Variants in CRPPA observed in about 807,000 individuals in gnomAD.
CRPPA encodes D-ribitol-5-phosphate cytidylyltransferase.
A neutral mutation model predicts 52.0 loss-of-function variants in CRPPA; 43 were observed. That is an observed-to-expected ratio of 0.83 (90% CI 0.65 to 1.07). CRPPA has a LOEUF of 1.07. Ranked by LOEUF, CRPPA falls within the 50% of genes least tolerant of loss-of-function variation. The pLI is 0.00. For missense variants in CRPPA, 629 were observed against 551.7 expected, an observed-to-expected ratio of 1.14 and a Z score of -1.40; for synonymous variants, 250 against 203.5, an observed-to-expected ratio of 1.23 and a Z score of -1.94.
Position 16,088,428 on chromosome 7 carries a change from T to TTG in CRPPA, c.*3266_*3267insCA. ...TGGATCTCTCTTTTTTTTTTTTTTTTTTTTTTTGAGACGGAGTCTTGCTCT... is the reference window on the plus strand; with the variant it reads ...TGGATCTCTCTTTTTTTTTTTTTTTTTGTTTTTTTGAGACGGAGTCTTGCTCT... On this transcript the variant is annotated 3_prime_UTR_variant, in exon 10 of 10. Transcript: ENST00000407010. The TTG allele has an allele frequency of 8.6e-6, 1 of 116,428 alleles. No individual in the cohort carries two copies. 7.2% of individuals were successfully genotyped at this position (116,428 alleles called of 1,614,324 possible).
At chr7:16,311,416 T>C (rs779976134) in intron 3 of CRPPA, among the ~76,000 whole-genome samples, 1 of 152,126 alleles carries the variant, frequency 6.6e-6, no homozygotes, top group Non-Finnish European at 1.5e-5. Flanking sequence ...CAGAAATAAA[T>C]AGCTGTAATC....
chr7:16,214,707 G>A (rs567649361), intron 9 of CRPPA, among the ~76,000 whole-genome samples: 4 of 152,156 alleles, frequency 2.6e-5, no homozygotes, highest in East Asian at 3.9e-4. Flanking sequence ...GGGTTTCACC[G>A]TGTTGGCCAG....
intron 3 of CRPPA, among the ~76,000 whole-genome samples, chr7:16,345,294 A>G (rs1785983185): frequency 6.6e-6 from 1 of 152,218 alleles, no homozygotes; most frequent in Non-Finnish European, 1.5e-5. Flanking sequence ...AGACATTCCC[A>G]GGTAAGCAAA....
chr7:16,327,647 A>T (rs1006002448), intron 3 of CRPPA, among the ~76,000 whole-genome samples: 7 of 151,010 alleles, frequency 4.6e-5, no homozygotes, highest in African/African-American at 1.2e-4. Context: ...CAAGACCACA[A>T]CTGTCAAGGA....
intron 3 of CRPPA, among the ~76,000 whole-genome samples, chr7:16,332,050 A>C (rs1240655222): frequency 6.6e-6 from 1 of 152,206 alleles, no homozygotes. Flanking sequence ...CTCAAACTAC[A>C]GAAAATCAGA....
intron 9 of CRPPA, among the ~76,000 whole-genome samples, chr7:16,157,881 T>A (rs1034478215): frequency 1.2e-4 from 18 of 151,906 alleles, no homozygotes; most frequent in Non-Finnish European, 2.2e-4. Flanking sequence ...TCTTTTTTTT[T>A]TTATTTTTTT....
intron 9 of CRPPA, among the ~76,000 whole-genome samples, chr7:16,154,246 A>G (rs2128379742): frequency 6.6e-6 from 1 of 152,176 alleles, no homozygotes; most frequent in South Asian, 2.1e-4. Context: ...TTCTTAAAAA[A>G]TGGGACACAT....
chr7:16,307,597 T>C (rs1227565775), intron 4 of CRPPA, among the ~76,000 whole-genome samples: 1 of 147,652 alleles, frequency 6.8e-6, no homozygotes, highest in East Asian at 2.0e-4. Context: ...GGAGAATTGC[T>C]TGAAATTTGG....
chr7:16,387,036 A>C (rs1198980981), intron 2 of CRPPA, among the ~76,000 whole-genome samples: 3 of 84,748 alleles, frequency 3.5e-5, no homozygotes, highest in African/African-American at 8.8e-5. Context: ...AATTTAAAAT[A>C]AAAAAAAGAT....
At chr7:16,204,657 C>A (rs1445226366) in intron 9 of CRPPA, among the ~76,000 whole-genome samples, 3 of 152,152 alleles carry the variant, frequency 2.0e-5, no homozygotes, top group Non-Finnish European at 4.4e-5. Context: ...GGCACAGAGT[C>A]AGCAATCATT....
intron 2 of CRPPA, among the ~76,000 whole-genome samples, chr7:16,377,462 C>A (rs1786924114): frequency 6.6e-6 from 1 of 152,072 alleles, no homozygotes; most frequent in South Asian, 2.1e-4. Context: ...TATATCAGGG[C>A]ATGAAGTTAA....
chr7:16,170,931 C>A (rs1242254832), intron 9 of CRPPA, among the ~76,000 whole-genome samples: 1 of 152,242 alleles, frequency 6.6e-6, no homozygotes, highest in Non-Finnish European at 1.5e-5. Context: ...CCGCTTAGCC[C>A]CGGTTCCTGC....
At chr7:16,361,328 T>C (rs915533122) in intron 3 of CRPPA, among the ~76,000 whole-genome samples, 1 of 152,296 alleles carries the variant, frequency 6.6e-6, no homozygotes, top group South Asian at 2.1e-4. Context: ...CAAAGCAGGA[T>C]TGTCATACTT....
At chr7:16,247,814 T>A (rs1331238962) in intron 8 of CRPPA, 1 of 152,172 alleles carries the variant, frequency 6.6e-6, no homozygotes, top group African/African-American at 2.4e-5. Context: ...GCATACAGAC[T>A]TTTAATTCTA....
At chr7:16,254,795 A>AGG (rs1342963888) in intron 8 of CRPPA, among the ~76,000 whole-genome samples, 22 of 55,816 alleles carry the variant, frequency 3.9e-4, no homozygotes, top group African/African-American at 1.1e-3. Flanking sequence ...GAAAGAAGGA[A>AGG]AGAAAGAAAG....
At chr7:16,317,732 T>A (rs1333739045) in intron 3 of CRPPA, among the ~76,000 whole-genome samples, 13 of 152,162 alleles carry the variant, frequency 8.5e-5, no homozygotes, top group Admixed American at 8.5e-4. Flanking sequence ...GGGAGTGAGG[T>A]GCTTATTTCA....
At chr7:16,290,978 G>A (rs1784552524) in intron 5 of CRPPA, among the ~76,000 whole-genome samples, 1 of 151,838 alleles carries the variant, frequency 6.6e-6, no homozygotes, top group African/African-American at 2.4e-5. Context: ...ACACGAATAG[G>A]CATTTCTTAC....
intron 9 of CRPPA, among the ~76,000 whole-genome samples, chr7:16,153,629 G>A (rs1205388754): frequency 1.3e-5 from 2 of 152,052 alleles, no homozygotes; most frequent in East Asian, 3.9e-4. Flanking sequence ...CACATGAAGT[G>A]ACCTAATTTT....
At chr7:16,133,952 G>T (rs1202219019) in intron 9 of CRPPA, among the ~76,000 whole-genome samples, 2 of 122,438 alleles carry the variant, frequency 1.6e-5, no homozygotes, top group South Asian at 4.1e-4. Flanking sequence ...TTTTTTCCGA[G>T]ATGGAGTCTC....
Sources: gnomAD v4.1 joint callset for allele counts (sites outside exome capture counted in the v4.1 genomes callset) on GRCh38, gnomAD v4.1.1 for gene constraint, MANE v1.5 for transcripts, NCBI Gene and HGNC (gene_info 2026-07-23, HGNC 2026-07-21) for gene names.